Variants in SLC24A3 observed in about 807,000 individuals in gnomAD.
SLC24A3 encodes the protein sodium/potassium/calcium exchanger 3.
Under a neutral mutation model 75.8 loss-of-function variants are expected in SLC24A3, and 28 were observed. The observed-to-expected ratio is 0.37, with a 90% CI of 0.27 to 0.51. SLC24A3 has a LOEUF of 0.51. SLC24A3 is among the 20% of genes least tolerant of loss of function. The pLI is 0.94. For synonymous variants in SLC24A3, 372 were observed against 334.1 expected (o/e 1.11, Z -1.24); for missense variants, 663 against 847.8 (o/e 0.78, Z 2.71).
At chr20:19,714,385 A>G (rs2033020493) in intron 15 of SLC24A3, among the ~76,000 whole-genome samples, 1 of 148,744 alleles carries the variant, frequency 6.7e-6, no homozygotes, top group Non-Finnish European at 1.5e-5. Context: ...AGCCTGGACA[A>G]CACAATGAGA....
chr20:19,637,917 G>T (rs1202491226), intron 6 of SLC24A3, among the ~76,000 whole-genome samples: 2 of 152,184 alleles, frequency 1.3e-5, no homozygotes, highest in Non-Finnish European at 2.9e-5. Flanking sequence ...GAGTATAAGA[G>T]AATGCAGGAC....
chr20:19,556,911 AAGTATTCATTTCC>A (rs1278017916), intron 3 of SLC24A3, among the ~76,000 whole-genome samples: 11 of 152,232 alleles, frequency 7.2e-5, no homozygotes, highest in African/African-American at 2.6e-4. Context: ...TTTTTTAAAA[AAGTATTCATTTCC>A]AGTGGCCTAA....
chr20:19,695,072 G>A (rs2032788641), intron 13 of SLC24A3: 1 of 152,190 alleles, frequency 6.6e-6, no homozygotes, highest in Non-Finnish European at 1.5e-5. Context: ...GCCACCCCAG[G>A]TTAAATTCTG....
chr20:19,681,714 G>A (rs1195999902), intron 9 of SLC24A3, 144 bp from the exon 10 acceptor site: 1 of 1,294,090 alleles, frequency 7.7e-7, no homozygotes, highest in African/African-American at 1.5e-5. Context: ...GGGGGAATGG[G>A]TTGAGAAAAT....
chr20:19,540,143 C>G (rs1210894156), intron 3 of SLC24A3, among the ~76,000 whole-genome samples: 4 of 152,132 alleles, frequency 2.6e-5, no homozygotes, highest in African/African-American at 9.7e-5. Context: ...TTCCAGTGTC[C>G]TTCGGTTCAA....
intron 1 of SLC24A3, among the ~76,000 whole-genome samples, chr20:19,232,899 C>T (rs191134836): frequency 4.6e-5 from 7 of 152,254 alleles, no homozygotes; most frequent in South Asian, 4.1e-4. Context: ...TAGGCAAAAG[C>T]GTAGTATGAA....
intron 1 of SLC24A3, among the ~76,000 whole-genome samples, chr20:19,221,101 A>G (rs574389219): frequency 6.6e-6 from 1 of 152,162 alleles, no homozygotes; most frequent in Non-Finnish European, 1.5e-5. Context: ...GCTGTTGCCT[A>G]GGCTGGAGTG....
intron 2 of SLC24A3, among the ~76,000 whole-genome samples, chr20:19,444,380 C>T (rs1476958375): frequency 6.6e-6 from 1 of 152,170 alleles, no homozygotes; most frequent in African/African-American, 2.4e-5. Context: ...GCTTCATCTT[C>T]TGGAAGACAT....
intron 1 of SLC24A3, among the ~76,000 whole-genome samples, chr20:19,266,874 G>A (rs1568573348): frequency 1.3e-5 from 2 of 151,992 alleles, no homozygotes; most frequent in African/African-American, 4.8e-5. Flanking sequence ...TATACGTTAT[G>A]TATATATATG....
chr20:19,346,263 A>G (rs1985417932), intron 2 of SLC24A3, among the ~76,000 whole-genome samples: 1 of 114,830 alleles, frequency 8.7e-6, no homozygotes, highest in African/African-American at 4.4e-5. Flanking sequence ...TATATGGTAT[A>G]TATATATGGT....
At chr20:19,627,248 A>G (rs1180914191) in intron 6 of SLC24A3, among the ~76,000 whole-genome samples, 1 of 152,220 alleles carries the variant, frequency 6.6e-6, no homozygotes, top group Non-Finnish European at 1.5e-5. Flanking sequence ...TAGAAGTGGT[A>G]CAACCGCACA....
chr20:19,503,002 T>C (rs2122544313), intron 2 of SLC24A3, among the ~76,000 whole-genome samples: 1 of 148,034 alleles, frequency 6.8e-6, no homozygotes, highest in South Asian at 2.1e-4. Flanking sequence ...GCTCCAGCCC[T>C]GGCAACAGAG....
chr20:19,386,733 T>C (rs1452468030), intron 2 of SLC24A3, among the ~76,000 whole-genome samples: 3 of 152,224 alleles, frequency 2.0e-5, no homozygotes, highest in South Asian at 2.1e-4. Context: ...TTGCATTTGG[T>C]TAACCAAACT....
rs3790245 is a variant in SLC24A3 at position 19,531,837 on chromosome 20, T to C, written c.348+16273T>C. 1.4e-4 allele frequency among the ~76,000 whole-genome samples: 22 copies of C among 152,156 alleles called. No homozygotes were observed. In the East Asian group the frequency reaches 1.9e-3, roughly 13 times the overall value. ...CCAAGCCCCCGCGTGGAGATCAGAG[T>C]GTCCCAACACGTGGCTGTTCTGATG... is the stretch of plus-strand genomic sequence containing the variant. On this transcript the variant is annotated intron_variant, in intron 3 of 16. Coordinates refer to ENST00000328041, the MANE Select transcript of SLC24A3 (RefSeq NM_020689.4).
intron 2 of SLC24A3, among the ~76,000 whole-genome samples, chr20:19,423,582 C>A (rs1052889788): frequency 6.6e-6 from 1 of 152,096 alleles, no homozygotes; most frequent in African/African-American, 2.4e-5. Context: ...GGTATAGGCA[C>A]CGAACTTATT....
intron 15 of SLC24A3, among the ~76,000 whole-genome samples, chr20:19,703,381 C>G (rs187207879): frequency 6.6e-6 from 1 of 152,330 alleles, no homozygotes; most frequent in East Asian, 1.9e-4. Context: ...AAGACCTCAT[C>G]CACTTAATGT....
At chr20:19,551,128 C>G (rs1012492718) in intron 3 of SLC24A3, among the ~76,000 whole-genome samples, 1 of 152,236 alleles carries the variant, frequency 6.6e-6, no homozygotes, top group African/African-American at 2.4e-5. Context: ...TCTGCAGTTT[C>G]ATTAATGCAT....
At chr20:19,484,420 A>G (rs1004439445) in intron 2 of SLC24A3, among the ~76,000 whole-genome samples, 1 of 152,194 alleles carries the variant, frequency 6.6e-6, no homozygotes, top group Non-Finnish European at 1.5e-5. Context: ...GACACAAAAA[A>G]TTTTAGATTT....
In SLC24A3 at chr20:19,281,029, C is replaced by T. The variant is rs141351389; in HGVS notation, c.213C>T (p.Asn71=). 40 of 1,614,052 alleles carry T rather than the reference C, an allele frequency of 2.5e-5. No homozygotes were observed. Among genetic ancestry groups the T allele is most frequent in the East Asian group, 1.1e-4 (5 of 44,876 alleles). ...WMMARKLMQV[N]DTLTSEDAGL... ...TGGCGAGGAAGCTGATGCAGGTGAA[C>T]GACACTCTGACTTCCGAAGATGCCG... Residue 71 remains asparagine (N), a synonymous_variant, in exon 2 of 17, where the codon AAC becomes AAT. Transcript: ENST00000328041.
Sources: allele counts gnomAD v4.1 joint callset (sites outside exome capture counted in the v4.1 genomes callset), GRCh38; gene constraint gnomAD v4.1.1; transcripts MANE v1.5; gene names NCBI Gene and HGNC (gene_info 2026-07-23, HGNC 2026-07-21).